The following EYA4 variants were observed in gnomAD, a reference collection of about 807,000 sequenced individuals.
The protein encoded by EYA4 is EYA transcriptional coactivator and phosphatase 4, also known as protein phosphatase EYA4.
EYA4 carries 31 observed loss-of-function variants against 87.9 expected under a neutral mutation model. The ratio of observed to expected loss-of-function variants is 0.35; its 90% CI spans 0.27 to 0.48. The LOEUF (loss-of-function observed/expected upper bound fraction) is 0.48. EYA4 is among the 20% of genes least tolerant of loss of function. EYA4 has a pLI of 0.99. For missense variants in EYA4, 678 were observed against 761.4 expected (o/e 0.89, Z 1.29); for synonymous variants, 263 against 270.6 (o/e 0.97, Z 0.28).
chr6:133,316,025 G>T (rs541365540), intron 2 of EYA4, among the ~76,000 whole-genome samples: 4 of 152,230 alleles, frequency 2.6e-5, no homozygotes, highest in Middle Eastern at 3.4e-3. Flanking sequence ...CTGCTTTCCC[G>T]TAGGGCATCC....
chr6:133,301,410 A>G (rs1411047383), intron 2 of EYA4, among the ~76,000 whole-genome samples: 3 of 152,202 alleles, frequency 2.0e-5, no homozygotes, highest in African/African-American at 4.8e-5. Flanking sequence ...TTGATGCACC[A>G]GTATGACTTT....
intron 3 of EYA4, among the ~76,000 whole-genome samples, chr6:133,430,974 A>G (rs1458429255): frequency 6.6e-6 from 1 of 152,218 alleles, no homozygotes; most frequent in Non-Finnish European, 1.5e-5. Flanking sequence ...GAATCTCTGA[A>G]CAGGGGATGT....
chr6:133,332,001 T>C (rs966670892), intron 2 of EYA4, among the ~76,000 whole-genome samples: 1 of 152,210 alleles, frequency 6.6e-6, no homozygotes, highest in African/African-American at 2.4e-5. Context: ...ACCAGGGTTA[T>C]ATGGGTAATA....
chr6:133,291,484 C>T (rs898335004), intron 2 of EYA4, among the ~76,000 whole-genome samples: 4 of 152,002 alleles, frequency 2.6e-5, no homozygotes, highest in African/African-American at 9.7e-5. Flanking sequence ...TTGATATAAA[C>T]ATGATTTTAT....
At chr6:133,340,535 T>C (rs1279383285) in intron 2 of EYA4, among the ~76,000 whole-genome samples, 2 of 152,174 alleles carry the variant, frequency 1.3e-5, no homozygotes, top group Non-Finnish European at 2.9e-5. Context: ...GTGGTGTTTA[T>C]ACAGAGACTT....
intron 3 of EYA4, among the ~76,000 whole-genome samples, chr6:133,383,588 C>T (rs1166729917): frequency 1.5e-5 from 2 of 136,100 alleles, no homozygotes; most frequent in African/African-American, 5.3e-5. Flanking sequence ...GTAAGTGTAT[C>T]TTATGTATAG....
At chr6:133,300,270 G>C (rs761135923) in intron 2 of EYA4, among the ~76,000 whole-genome samples, 5 of 151,940 alleles carry the variant, frequency 3.3e-5, no homozygotes, top group Middle Eastern at 3.4e-3. Context: ...AGAGATGAAA[G>C]AAAATCCACA....
Position 133,376,116 on chromosome 6 carries a change from A to G in EYA4, c.34-6276A>G, listed in dbSNP as rs368498291. 9.9e-5 allele frequency among the ~76,000 whole-genome samples: 15 copies of G among 152,008 alleles called. No individual in the cohort carries two copies. In the East Asian group the frequency reaches 1.2e-3, roughly 12 times the overall value. ...TCACAGTAATTCTGTATCGTTTTCT[A>G]TGTTTACAAAGAGTTTGGCATGCAA... On this transcript the variant is annotated intron_variant, in intron 2 of 19. Transcript: ENST00000355286.
Position 133,512,949 on chromosome 6 carries a change from T to C in EYA4, c.1412T>C (p.Val471Ala). The change falls in exon 16 of 20, where the codon GTA becomes GCA. Residue 471 changes from valine (V) to alanine (A), a missense_variant. Val to Ala is a moderately conservative substitution (Grantham distance 64). Transcript: ENST00000355286. ...SSANLCLPTG[V>A]RGGVDWMRKL... ...GCAAACCTTTGTTTGCCAACAGGTG[T>C]AAGAGGAGGGGTTGACTGGATGAGG... 6.2e-7 allele frequency: 1 copy of C among 1,613,976 alleles called. No homozygotes were observed. Among genetic ancestry groups the C allele is most frequent in the Non-Finnish European group, 8.5e-7 (1 of 1,179,916 alleles).
At chr6:133,497,577 G>T (rs1481059189) in intron 13 of EYA4, among the ~76,000 whole-genome samples, 1 of 152,126 alleles carries the variant, frequency 6.6e-6, no homozygotes, top group Non-Finnish European at 1.5e-5. Flanking sequence ...CAGTGTCTGT[G>T]CTGCAAAACT....
chr6:133,249,366 G>A (rs933145639), intron 1 of EYA4, among the ~76,000 whole-genome samples: 1 of 152,130 alleles, frequency 6.6e-6, no homozygotes, highest in Non-Finnish European at 1.5e-5. Flanking sequence ...GCCCATTCTG[G>A]ACTGTGTTGA....
intron 5 of EYA4, chr6:133,453,165 T>C (rs1241283250): frequency 6.6e-6 from 1 of 152,106 alleles, no homozygotes; most frequent in Non-Finnish European, 1.5e-5. Flanking sequence ...TAAGGATTTT[T>C]ACAAGTTAGT....
chr6:133,482,968 C>A (rs1796346883), intron 12 of EYA4, 64 bp from the exon 13 acceptor site: 3 of 1,252,434 alleles, frequency 2.4e-6, no homozygotes, highest in Non-Finnish European at 3.5e-6. Context: ...ACATTTTCTG[C>A]TTGTAAAGAG....
chr6:133,501,826 G>C (rs1342967386), intron 13 of EYA4, among the ~76,000 whole-genome samples: 2 of 152,152 alleles, frequency 1.3e-5, no homozygotes, highest in Non-Finnish European at 2.9e-5. Context: ...TGTGTCCCTA[G>C]AGGAGGAATT....
intron 1 of EYA4, among the ~76,000 whole-genome samples, chr6:133,263,410 G>T (rs904851259): frequency 6.6e-6 from 1 of 151,456 alleles, no homozygotes; most frequent in Non-Finnish European, 1.5e-5. Context: ...CCTCTTTCTC[G>T]GTCAGTTCTC....
At chr6:133,307,269 C>T (rs1582908689) in intron 2 of EYA4, among the ~76,000 whole-genome samples, 1 of 152,244 alleles carries the variant, frequency 6.6e-6, no homozygotes, top group Middle Eastern at 3.4e-3. Flanking sequence ...TTTTTGTGGC[C>T]TCCTAAAGAA....
intron 2 of EYA4, among the ~76,000 whole-genome samples, chr6:133,300,512 GTTATTA>G (rs574500844): frequency 1.3e-5 from 2 of 151,476 alleles, no homozygotes; most frequent in East Asian, 1.9e-4. Flanking sequence ...TATTGTTGTT[GTTATTA>G]TTATTATTAT....
chr6:133,519,124 G>A (rs1171462724), intron 17 of EYA4, among the ~76,000 whole-genome samples: 1 of 151,560 alleles, frequency 6.6e-6, no homozygotes, highest in Non-Finnish European at 1.5e-5. Flanking sequence ...AAAGCTAGCA[G>A]AAGGCAAGAA....
At chr6:133,438,078 CAATTA>C (rs1791877641) in intron 3 of EYA4, among the ~76,000 whole-genome samples, 1 of 151,982 alleles carries the variant, frequency 6.6e-6, no homozygotes, top group Non-Finnish European at 1.5e-5. Context: ...TGAAGTGTCA[CAATTA>C]AATTAATCAC....
Sources: gnomAD v4.1 joint callset for allele counts (sites outside exome capture counted in the v4.1 genomes callset) on GRCh38, gnomAD v4.1.1 for gene constraint, MANE v1.5 for transcripts, NCBI Gene and HGNC (gene_info 2026-07-23, HGNC 2026-07-21) for gene names.